CDC42BPG: variants seen among roughly 807,000 people sequenced by gnomAD.
The protein encoded by CDC42BPG is serine/threonine-protein kinase MRCK gamma.
A neutral mutation model predicts 192.2 loss-of-function variants in CDC42BPG; 157 were observed. That is an observed-to-expected ratio of 0.82 (90% CI 0.72 to 0.93). The LOEUF is 0.93. CDC42BPG is among the 40% of genes least tolerant of loss of function. The pLI, the probability that CDC42BPG is intolerant of heterozygous loss-of-function variation, is 0.00. For missense variants in CDC42BPG, 1,992 were observed against 2,122.1 expected, an observed-to-expected ratio of 0.94 and a Z score of 1.20; for synonymous variants, 981 against 918.5, an observed-to-expected ratio of 1.07 and a Z score of -1.23.
chr11:64,841,703 G>T lies in CDC42BPG; in HGVS notation c.283C>A (p.Gln95Lys), dbSNP rs1475963639. The T allele has an allele frequency of 1.2e-6, 2 of 1,613,830 alleles. No homozygotes were observed. The highest frequency in any genetic ancestry group is 1.7e-5 in the Admixed American group (1 of 60,004). Residue 95 changes from glutamine to lysine, a missense_variant, in exon 3 of 37, where the codon CAG becomes AAG. Physicochemically the swap from Gln to Lys is moderately conservative, Grantham distance 53. This residue lies in a region of CDC42BPG where 1,656 missense variants were observed against 1,844.3 expected (regional missense o/e 0.90). Transcript: ENST00000342711. ...TGCAGCATTTTCATGGCAAAAATCT[G>T]CCCAGTGTCCCTCTGCCTCACCACG... The part of the protein sequence containing the change: ...VTVVRQRDTG[Q>K]IFAMKMLHKW...
Position 64,831,628 on chromosome 11 carries a change from G to C in CDC42BPG, c.3181C>G (p.Leu1061Val). The change falls in exon 28 of 37, where the codon CTG becomes GTG. Residue 1061 changes from leucine to valine, a missense_variant. By Grantham distance (32) the Leu-to-Val change is conservative (BLOSUM62 1). This residue lies in a region of CDC42BPG where 1,656 missense variants were observed against 1,844.3 expected (regional missense o/e 0.90). Coordinates refer to ENST00000342711, the MANE Select transcript of CDC42BPG (RefSeq NM_017525.3). ...AGCAGCAGCCGCTGCAGCTCACCCA[G>C]CACCTGCAGCCAGCGTTCCCGCTCC... Reference protein sequence around the residue: ...EGERERWLQVLGELQRLLLDA... With the variant: ...EGERERWLQVVGELQRLLLDA... 1 of 1,611,634 alleles carries C rather than the reference G, an allele frequency of 6.2e-7. No individual in the cohort carries two copies. The highest frequency in any genetic ancestry group is 1.1e-5 in the South Asian group (1 of 91,028).
At chr11:64,826,841 G>C in intron 34 of CDC42BPG, 47 bp from the exon 35 acceptor site, 1 of 1,466,628 alleles carries the variant, frequency 6.8e-7, no homozygotes. Context: ...GGCACAAGGA[G>C]GACAAGAGGC....
rs778495549 is a variant in CDC42BPG at position 64,830,016 on chromosome 11, C to A, written c.3422G>T (p.Ser1141Ile). 1 of 1,612,354 alleles carries A rather than the reference C, an allele frequency of 6.2e-7. No individual in the cohort carries two copies. The highest frequency in any genetic ancestry group is 1.3e-5 in the African/African-American group (1 of 74,926). ...ACACAGCACGACCAGCAGGCCTGCA[C>A]TGGGGCTCAAGGTCAGCTGCTGCAC... ...RRVQQLTLSP[S>I]AGLLVVLCGR... Residue 1141 changes from serine (S) to isoleucine (I), a missense_variant, in exon 30 of 37, where the codon AGT becomes ATT. By Grantham distance (142) the Ser-to-Ile change is moderately radical (BLOSUM62 -2). Coordinates refer to ENST00000342711, the MANE Select transcript of CDC42BPG (RefSeq NM_017525.3).
Position 64,834,067 on chromosome 11 carries a change from G to A in CDC42BPG, c.2414-90C>T. The stretch of plus-strand genomic sequence containing the variant: ...GCCTCAGTTCCCACCTCAGTAAAAT[G>A]GGAAATGACCACAGGGTGGGGCAGG... On this transcript the variant is annotated intron_variant, in intron 20 of 36. Transcript: ENST00000342711. The A allele has an allele frequency of 6.4e-6, 10 of 1,569,326 alleles. No homozygotes were observed. In the South Asian group the frequency reaches 1.1e-4, roughly 17 times the overall value.
chr11:64,825,311 G>A (rs1037755567), intron 36 of CDC42BPG, among the ~76,000 whole-genome samples: 1 of 152,084 alleles, frequency 6.6e-6, no homozygotes, highest in African/African-American at 2.4e-5. Context: ...CACCACCAAG[G>A]AGCCCACAGT....
chr11:64,838,592 G>A, intron 8 of CDC42BPG, 62 bp downstream of exon 8: 11 of 1,592,948 alleles, frequency 6.9e-6, no homozygotes, highest in South Asian at 2.2e-5. Flanking sequence ...TCAGAGGGAG[G>A]GTTCCCCCAG....
chr11:64,842,746 T>G lies in CDC42BPG; in HGVS notation c.161-842A>C, dbSNP rs576529592. On this transcript the variant is annotated intron_variant, in intron 1 of 36. Transcript: ENST00000342711. ...GCCACTCCCAGGCACTTTCCAGGCC[T>G]GGATTAGCCCCAGGTTTTGGGAAGG... 6.6e-5 allele frequency among the ~76,000 whole-genome samples: 10 copies of G among 152,260 alleles called. No individual in the cohort carries two copies. In the East Asian group the frequency reaches 1.9e-3, roughly 29 times the overall value.
At position 64,839,496 on chromosome 11, in the gene CDC42BPG, A is replaced by T; in HGVS notation, c.657T>A (p.Arg219=). The T allele has an allele frequency of 6.2e-7, 1 of 1,613,180 alleles. No individual in the cohort carries two copies. The highest frequency in any genetic ancestry group is 8.5e-7 in the Non-Finnish European group (1 of 1,179,966). Residue 219 remains arginine (R), a synonymous_variant, in exon 6 of 37, where the codon CGT becomes CGA. Transcript: ENST00000342711. ...IRLADFGSCL[R]LNTNGMVDSS... ...TCCTTACCATGCCGTTGGTGTTGAG[A>T]CGCAGGCAGGAGCCGAAGTCAGCCA...
intron 11 of CDC42BPG, 23 bp downstream of exon 11, chr11:64,836,716 G>GGGGGGGGGGGT: frequency 1.2e-6 from 1 of 869,300 alleles, no homozygotes; most frequent in Non-Finnish European, 1.7e-6. Context: ...TGGGGGGGGG[G>GGGGGGGGGGGT]GGGGGGTGGG....
In CDC42BPG at chr11:64,827,514, C is replaced by A. The variant is rs747449405; in HGVS notation, c.4150+13G>T. The A allele has an allele frequency of 2.3e-5, 37 of 1,611,342 alleles. No individual in the cohort carries two copies. The highest frequency in any genetic ancestry group is 3.0e-5 in the Non-Finnish European group (35 of 1,178,172). On this transcript the variant is annotated intron_variant, in intron 32 of 36. Coordinates refer to ENST00000342711, the MANE Select transcript of CDC42BPG (RefSeq NM_017525.3). ...TGGGGAACGCACACACCCGTACACACGCACTCCCTCACCTGCCAGCTGGTT... is the reference window on the plus strand; with the variant it reads ...TGGGGAACGCACACACCCGTACACAAGCACTCCCTCACCTGCCAGCTGGTT...
At position 64,827,373 on chromosome 11, in the gene CDC42BPG, G is replaced by T. The variant is rs757941670; in HGVS notation, c.4176C>A (p.Asp1392Glu). 1.9e-6 allele frequency: 3 copies of T among 1,613,912 alleles called. No homozygotes were observed. The highest frequency in any genetic ancestry group is 2.5e-6 in the Non-Finnish European group (3 of 1,179,774). Residue 1392 changes from aspartate (D) to glutamate (E), a missense_variant, in exon 33 of 37, where the codon GAC becomes GAA. Transcript: ENST00000342711. ...LAEKDEFDIP[D>E]LTDNSRRQLF... The stretch of plus-strand genomic sequence containing the variant: ...GCTGGCGCCGGCTGTTGTCGGTGAG[G>T]TCCGGGATGTCGAACTCGTCCTTCT...
Position 64,832,558 on chromosome 11 carries a change from C to A in CDC42BPG, c.3005+46G>T, listed in dbSNP as rs775177500. 8 of 1,613,916 alleles carry A rather than the reference C, an allele frequency of 5.0e-6. No individual in the cohort carries two copies. The Admixed American group carries it at 5.0e-5, about 10-fold the overall frequency. ...AGAAATCTCCCTGTCCCTGACTGCCCCCCTTACCACTAGTCCCTTGCCCCA... is the reference window on the plus strand; with the variant it reads ...AGAAATCTCCCTGTCCCTGACTGCCACCCTTACCACTAGTCCCTTGCCCCA... On this transcript the variant is annotated intron_variant, in intron 26 of 36. Coordinates refer to ENST00000342711, the MANE Select transcript of CDC42BPG (RefSeq NM_017525.3).
In CDC42BPG at chr11:64,835,416, C is replaced by G; in HGVS notation, c.1884G>C (p.Pro628=). ...GGCACAGAGCCTCCTCCTTACCACT[C>G]GGCCTGGGGAGGAGAAGGCCAAGGC... ...EQLEQAHSHR[P]SGKEEALCQL... The change falls in exon 16 of 37, where the codon CCG becomes CCC. Residue 628 remains proline, a synonymous_variant. Coordinates refer to ENST00000342711, the MANE Select transcript of CDC42BPG (RefSeq NM_017525.3). 1 of 1,613,670 alleles carries G rather than the reference C, an allele frequency of 6.2e-7. No individual in the cohort carries two copies. Among genetic ancestry groups the G allele is most frequent in the Non-Finnish European group, 8.5e-7 (1 of 1,179,998 alleles).
rs761133866 is a variant in CDC42BPG, at chr11:64,838,710, G to A, written c.1069C>T (p.Arg357Trp). The change falls in exon 8 of 37, where the codon CGG (arginine) becomes TGG (tryptophan). Residue 357 changes from arginine to tryptophan, a missense_variant. Physicochemically the swap from Arg to Trp is moderately radical, Grantham distance 101. Around this residue, in one of 2 missense-constraint regions of CDC42BPG, gnomAD observed 1,656 missense variants for 1,844.3 expected, o/e 0.90. Transcript: ENST00000342711. ...AAGTTGGAGGTGTCCATGGGCCCCC[G>A]CAGCTCAGGAATATAGGGGGCCGTG... is the stretch of plus-strand genomic sequence containing the variant. Reference protein sequence around the residue: ...SSTAPYIPELRGPMDTSNFDV... With the variant: ...SSTAPYIPELWGPMDTSNFDV... The A allele has an allele frequency of 1.5e-5, 25 of 1,613,020 alleles. No homozygotes were observed. The highest frequency in any genetic ancestry group is 1.1e-4 in the East Asian group (5 of 44,902).
intron 1 of CDC42BPG, 43 bp from the exon 2 acceptor site, chr11:64,841,947 G>T: frequency 6.8e-7 from 1 of 1,465,546 alleles, no homozygotes; most frequent in Non-Finnish European, 9.4e-7. Context: ...GGGAGGGAGG[G>T]CTCCATTCCC....
intron 24 of CDC42BPG, 59 bp downstream of exon 24, chr11:64,833,172 G>T: frequency 7.3e-7 from 1 of 1,368,248 alleles, no homozygotes; most frequent in Non-Finnish European, 1.0e-6. Context: ...AACAGCCTGG[G>T]TATGCCAGGG....
chr11:64,842,797 GATCA>G (rs1943336885), intron 1 of CDC42BPG, among the ~76,000 whole-genome samples: 1 of 152,180 alleles, frequency 6.6e-6, no homozygotes, highest in Non-Finnish European at 1.5e-5. Context: ...AGGCAGGAGT[GATCA>G]GTCAGGATGG....
chr11:64,826,726 C>A lies in CDC42BPG; in HGVS notation c.4458G>T (p.Ala1486=). The change falls in exon 35 of 37, where the codon GCG becomes GCT. Residue 1486 remains alanine, a synonymous_variant. Transcript: ENST00000342711. ...GPQRPHSFSE[A]LRRPASMGSE... ...TGCCCATGGAGGCTGGGCGCCGCAACGCCTCGGAGAAGCTGTGGGGCCGCT... is the reference window on the plus strand; with the variant it reads ...TGCCCATGGAGGCTGGGCGCCGCAAAGCCTCGGAGAAGCTGTGGGGCCGCT... 4 of 1,548,674 alleles carry A rather than the reference C, an allele frequency of 2.6e-6. No individual in the cohort carries two copies. The highest frequency in any genetic ancestry group is 3.5e-6 in the Non-Finnish European group (4 of 1,148,168).
rs1212444792 is a variant in CDC42BPG, at chr11:64,829,676, C to T, written c.3762G>A (p.Glu1254=). ...CGGCCCCCAGCGCCAACGGCGCAGC[C>T]TCGTTGAGCAGCGGGTAGAGTGCAA... The part of the protein sequence containing the change: ...GGFALYPLLN[E]AAPLALGAGL... The change falls in exon 30 of 37, where the codon GAG becomes GAA. Residue 1254 remains glutamate, a synonymous_variant. Transcript: ENST00000342711. 6.2e-7 allele frequency: 1 copy of T among 1,611,830 alleles called. No homozygotes were observed. The highest frequency in any genetic ancestry group is 1.3e-5 in the African/African-American group (1 of 75,066).
Sources: gnomAD v4.1 joint callset for allele counts (sites outside exome capture counted in the v4.1 genomes callset) on GRCh38, gnomAD v4.1.1 for gene constraint, gnomAD v4.1.1 regional missense constraint, MANE v1.5 for transcripts, NCBI Gene and HGNC (gene_info 2026-07-23, HGNC 2026-07-21) for gene names.